NUAK1: variants seen among roughly 807,000 people sequenced by gnomAD.
NUAK1 encodes NUAK family kinase 1.
NUAK1 carries 26 observed loss-of-function variants against 56.9 expected under a neutral mutation model. That is an observed-to-expected ratio of 0.46 (90% confidence interval 0.33 to 0.63). The LOEUF is 0.63. Among genes scored for constraint, NUAK1 ranks in the 30% least tolerant of loss-of-function variants. The pLI, the probability that NUAK1 is intolerant of heterozygous loss-of-function variation, is 0.02. For synonymous variants in NUAK1, 337 were observed against 336.0 expected (o/e 1.00, Z -0.03); for missense variants, 727 against 876.1 (o/e 0.83, Z 2.15).
At chr12:106,121,990 A>G (rs1171598386) in intron 1 of NUAK1, among the ~76,000 whole-genome samples, 1 of 152,180 alleles carries the variant, frequency 6.6e-6, no homozygotes, top group Non-Finnish European at 1.5e-5. Context: ...AAGAAAACCT[A>G]TCTTGTGTGC....
intron 1 of NUAK1, among the ~76,000 whole-genome samples, chr12:106,133,014 A>G (rs1394079963): frequency 6.6e-6 from 1 of 152,196 alleles, no homozygotes; most frequent in Non-Finnish European, 1.5e-5. Context: ...TGATAGCAGA[A>G]TTGTTATAAG....
chr12:106,084,745 C>A (rs2032554788), intron 3 of NUAK1, among the ~76,000 whole-genome samples: 1 of 152,066 alleles, frequency 6.6e-6, no homozygotes, highest in Non-Finnish European at 1.5e-5. Flanking sequence ...TTTTTTAAGA[C>A]CCGATTATCT....
intron 2 of NUAK1, among the ~76,000 whole-genome samples, chr12:106,087,510 C>T (rs2032586097): frequency 6.6e-6 from 1 of 152,132 alleles, no homozygotes; most frequent in Non-Finnish European, 1.5e-5. Flanking sequence ...ATCCTCAGCA[C>T]CCAGAACAGT....
At chr12:106,072,229 G>A (rs12826780) in intron 5 of NUAK1, among the ~76,000 whole-genome samples, 19,730 of 151,908 alleles carry the variant, frequency 0.13, 1,517 homozygotes, top group Non-Finnish European at 0.17. Context: ...GATATAATAG[G>A]GAAAAAACTA....
At chr12:106,103,882 G>A (rs1273856077) in intron 2 of NUAK1, among the ~76,000 whole-genome samples, 1 of 152,156 alleles carries the variant, frequency 6.6e-6, no homozygotes, top group Non-Finnish European at 1.5e-5. Flanking sequence ...CATGTGAAGA[G>A]GGAATGTTTG....
At chr12:106,082,310 G>A (rs986959894) in intron 4 of NUAK1, among the ~76,000 whole-genome samples, 7 of 152,128 alleles carry the variant, frequency 4.6e-5, no homozygotes, top group African/African-American at 1.7e-4. Flanking sequence ...ATTACTAAGG[G>A]GCAGGGTTGA....
rs995254820 is a variant in NUAK1, at chr12:106,068,576, T to C, written c.833-621A>G. On this transcript the variant is annotated intron_variant, in intron 6 of 6. Transcript: ENST00000261402. ...ACTCAGTGAGCTTGCCTTCTTTCCC[T>C]CTCTGACATAAGCCATCTTCTACTG... 4.6e-5 allele frequency among the ~76,000 whole-genome samples: 7 copies of C among 152,214 alleles called. No homozygotes were observed. The East Asian group carries it at 1.2e-3, about 25-fold the overall frequency.
intron 1 of NUAK1, among the ~76,000 whole-genome samples, chr12:106,133,953 G>A (rs760668889): frequency 1.1e-4 from 17 of 152,070 alleles, no homozygotes; most frequent in Admixed American, 2.0e-4. Context: ...AATCTTCATC[G>A]AACTGAACAG....
chr12:106,118,112 C>T (rs930643657), intron 1 of NUAK1, among the ~76,000 whole-genome samples: 3 of 152,222 alleles, frequency 2.0e-5, no homozygotes, highest in African/African-American at 7.2e-5. Context: ...TGCCTCTGTA[C>T]TTGTGGCTAA....
At chr12:106,095,217 G>A (rs1592853940) in intron 2 of NUAK1, among the ~76,000 whole-genome samples, 1 of 152,260 alleles carries the variant, frequency 6.6e-6, no homozygotes, top group South Asian at 2.1e-4. Flanking sequence ...GAAAGCCCCG[G>A]CAATTGATCA....
At chr12:106,070,718 G>C in intron 6 of NUAK1, 56 bp downstream of exon 6, 1 of 1,602,658 alleles carries the variant, frequency 6.2e-7, no homozygotes, top group Non-Finnish European at 8.5e-7. Flanking sequence ...AATAAGAGTT[G>C]GGTAAGCAGA....
intron 1 of NUAK1, among the ~76,000 whole-genome samples, chr12:106,132,407 A>G (rs548441964): frequency 3.9e-5 from 6 of 152,352 alleles, no homozygotes; most frequent in African/African-American, 1.4e-4. Flanking sequence ...GGCATTGACA[A>G]TAAGTATCTT....
chr12:106,106,192 G>A (rs996160164), intron 2 of NUAK1: 7 of 422,590 alleles, frequency 1.7e-5, no homozygotes, highest in Middle Eastern at 5.4e-4. Context: ...TAAGGTATCC[G>A]CCAGAGATAT....
intron 1 of NUAK1, among the ~76,000 whole-genome samples, chr12:106,110,226 G>T (rs2032844657): frequency 6.6e-6 from 1 of 152,108 alleles, no homozygotes; most frequent in African/African-American, 2.4e-5. Flanking sequence ...GCACAAATAT[G>T]TTCCTACTTA....
rs1260665432 is a variant in NUAK1, at chr12:106,076,338, A to T, written c.580-3495T>A. 2.6e-5 allele frequency among the ~76,000 whole-genome samples: 4 copies of T among 152,194 alleles called. No homozygotes were observed. The South Asian group carries it at 6.2e-4, about 24-fold the overall frequency. ...CAAGCCGTACAGTTTCTCCAACAGA[A>T]CATCAGCTGCAAATGGAGAGGATGA... On this transcript the variant is annotated intron_variant, in intron 4 of 6. Coordinates refer to ENST00000261402, the MANE Select transcript of NUAK1 (RefSeq NM_014840.3).
At chr12:106,083,515 G>A (rs1178154217) in intron 4 of NUAK1, among the ~76,000 whole-genome samples, 2 of 152,006 alleles carry the variant, frequency 1.3e-5, no homozygotes, top group Non-Finnish European at 2.9e-5. Context: ...TTAAGTGATA[G>A]CAGGCAAAAA....
chr12:106,067,258 G>C lies in NUAK1; in HGVS notation c.1530C>G (p.Ala510=), dbSNP rs2032352067. 6.2e-7 allele frequency: 1 copy of C among 1,614,074 alleles called. No homozygotes were observed. Among genetic ancestry groups the C allele is most frequent in the Non-Finnish European group, 8.5e-7 (1 of 1,179,992 alleles). ...SIPSPSPPDP[A]RVTSHSLSCR... is the part of the protein sequence containing the mutation. ...AGGAGAGGCTGTGGGAGGTTACCCT[G>C]GCTGGGTCCGGGGGGCTGGGGGAGG... is the stretch of plus-strand genomic sequence containing the variant. The change falls in exon 7 of 7, where the codon GCC becomes GCG. Residue 510 remains alanine, a synonymous_variant. Coordinates refer to ENST00000261402, the MANE Select transcript of NUAK1 (RefSeq NM_014840.3). This position sits in a 1 kb window ranked among gnomAD's most constrained non-coding sequence, Gnocchi z 6.0.
Position 106,072,807 on chromosome 12 carries a change from C to G in NUAK1, c.616G>C (p.Asp206His). 1.2e-6 allele frequency: 2 copies of G among 1,613,966 alleles called. No homozygotes were observed. Among genetic ancestry groups the G allele is most frequent in the Middle Eastern group, 1.6e-4 (1 of 6,062 alleles). The change falls in exon 5 of 7, where the codon GAT becomes CAT. Residue 206 changes from aspartate (D) to histidine (H), a missense_variant. Asp to His is a moderately conservative substitution (Grantham distance 81). Transcript: ENST00000261402. ...CCACAAAACGTTTGTAAGAACTTATCCTTCTGGTACAGGTTGGAAAGCCCA... is the reference window on the plus strand; with the variant it reads ...CCACAAAACGTTTGTAAGAACTTATGCTTCTGGTACAGGTTGGAAAGCCCA... ...DFGLSNLYQK[D>H]KFLQTFCGSP...
chr12:106,070,990 A>G, intron 5 of NUAK1, 84 bp from the exon 6 acceptor site: 1 of 1,486,214 alleles, frequency 6.7e-7, no homozygotes, highest in Non-Finnish European at 9.3e-7. Context: ...ATAGCCTGTG[A>G]GCAGCCACCC....
Sources: gnomAD v4.1 joint callset for allele counts (sites outside exome capture counted in the v4.1 genomes callset) on GRCh38, gnomAD v4.1.1 for gene constraint, Gnocchi (gnomAD v3.1) non-coding constraint, MANE v1.5 for transcripts, NCBI Gene and HGNC (gene_info 2026-07-23, HGNC 2026-07-21) for gene names.